Variants in CDH13 observed in about 807,000 individuals in gnomAD.
CDH13 encodes the protein cadherin-13.
CDH13 carries 24 observed loss-of-function variants against 63.8 expected under a neutral mutation model. The ratio of observed to expected loss-of-function variants is 0.38; its 90% CI spans 0.27 to 0.53. The LOEUF (loss-of-function observed/expected upper bound fraction) is 0.53. Ranked by LOEUF, CDH13 falls within the 20% of genes least tolerant of loss-of-function variation. CDH13 has a pLI of 0.85. For synonymous variants in CDH13, 503 were observed against 355.3 expected (o/e 1.42, Z -4.67); for missense variants, 1,049 against 903.1 (o/e 1.16, Z -2.07).
intron 1 of CDH13, among the ~76,000 whole-genome samples, chr16:82,647,028 C>T (rs1026016886): frequency 1.9e-4 from 29 of 152,120 alleles, no homozygotes; most frequent in African/African-American, 5.6e-4. Flanking sequence ...TAGTGCAGTG[C>T]CTCGCAGTAC....
In CDH13 at chr16:82,672,435, C is replaced by A. The variant is rs571407409; in HGVS notation, c.45+45298C>A. 3.9e-5 allele frequency among the ~76,000 whole-genome samples: 6 copies of A among 152,088 alleles called. No homozygotes were observed. The South Asian group carries it at 6.2e-4, about 16-fold the overall frequency. The stretch of plus-strand genomic sequence containing the variant: ...GGTACATCTATCTAGGCCGTGATGA[C>A]CCCTCTACTGGCAGCTTTAGTCCCT... On this transcript the variant is annotated intron_variant, in intron 1 of 13. Coordinates refer to ENST00000567109, the MANE Select transcript of CDH13 (RefSeq NM_001257.5).
intron 5 of CDH13, among the ~76,000 whole-genome samples, chr16:83,270,119 A>G (rs112279655): frequency 0.015 from 2,305 of 152,358 alleles, 57 homozygotes; most frequent in African/African-American, 0.052. Flanking sequence ...ACAATATACC[A>G]GCAAGAGATA....
At chr16:83,604,050 ACC>A (rs1160235025) in intron 8 of CDH13, among the ~76,000 whole-genome samples, 365 of 151,864 alleles carry the variant, frequency 2.4e-3, no homozygotes, top group African/African-American at 8.4e-3. Context: ...TGATCCAGTC[ACC>A]TCCCACCAGG....
chr16:83,790,193 T>C (rs1342474416), intron 13 of CDH13: 2 of 152,220 alleles, frequency 1.3e-5, no homozygotes, highest in African/African-American at 4.8e-5. Flanking sequence ...GCATTCACCA[T>C]TGACTGCCTC....
At chr16:83,270,886 CCCTCCCTT>C (rs2088783664) in intron 5 of CDH13, among the ~76,000 whole-genome samples, 1 of 144,474 alleles carries the variant, frequency 6.9e-6, no homozygotes, top group African/African-American at 2.5e-5. Context: ...TTCCCTCCCT[CCCTCCCTT>C]CCTCCCTCCT....
intron 10 of CDH13, among the ~76,000 whole-genome samples, chr16:83,736,662 G>A (rs1411944534): frequency 6.6e-6 from 1 of 152,154 alleles, no homozygotes; most frequent in Non-Finnish European, 1.5e-5. Flanking sequence ...GGAGGGCAGT[G>A]GCAGTGAGCG....
At chr16:83,696,277 G>T (rs1202761970) in intron 10 of CDH13, among the ~76,000 whole-genome samples, 8 of 152,228 alleles carry the variant, frequency 5.3e-5, no homozygotes, top group Non-Finnish European at 1.2e-4. Context: ...GCTCAGTAGA[G>T]TGTGCAGGTT....
chr16:83,439,697 T>C (rs778540095), intron 6 of CDH13, among the ~76,000 whole-genome samples: 1 of 152,236 alleles, frequency 6.6e-6, no homozygotes, highest in Admixed American at 6.5e-5. Context: ...ATGGTCTGAT[T>C]GACTGTGGTC....
intron 1 of CDH13, among the ~76,000 whole-genome samples, chr16:82,678,714 T>C (rs1017433764): frequency 6.6e-6 from 1 of 152,204 alleles, no homozygotes; most frequent in African/African-American, 2.4e-5. Flanking sequence ...GTACACAGTT[T>C]AAGGAGACAG....
At chr16:83,175,053 A>G (rs996992623) in intron 4 of CDH13, among the ~76,000 whole-genome samples, 2 of 152,092 alleles carry the variant, frequency 1.3e-5, no homozygotes, top group African/African-American at 4.8e-5. Flanking sequence ...CATGCTAGCC[A>G]CATTTCAAAT....
chr16:83,328,667 G>A (rs12447498), intron 5 of CDH13, among the ~76,000 whole-genome samples: 1,717 of 152,256 alleles, frequency 0.011, 124 homozygotes, highest in Admixed American at 0.097. Flanking sequence ...TCAGGTTGTA[G>A]TTTGAAGATA....
chr16:83,163,459 T>C (rs1225698883), intron 4 of CDH13, among the ~76,000 whole-genome samples: 1 of 152,124 alleles, frequency 6.6e-6, no homozygotes, highest in African/African-American at 2.4e-5. Context: ...CCTCTTGTAG[T>C]GCTCCAGGCC....
chr16:83,302,527 A>G (rs965456645), intron 5 of CDH13, among the ~76,000 whole-genome samples: 13 of 152,248 alleles, frequency 8.5e-5, no homozygotes, highest in African/African-American at 3.1e-4. Flanking sequence ...AAGTCACAAC[A>G]TAAATGTCCT....
intron 5 of CDH13, among the ~76,000 whole-genome samples, chr16:83,322,452 T>C (rs1416348714): frequency 6.6e-6 from 1 of 152,242 alleles, no homozygotes; most frequent in African/African-American, 2.4e-5. Context: ...CATTTGTTCA[T>C]TGATTCATTT....
intron 2 of CDH13, among the ~76,000 whole-genome samples, chr16:82,873,717 C>T (rs1370906066): frequency 1.3e-5 from 2 of 152,122 alleles, no homozygotes; most frequent in East Asian, 3.8e-4. Flanking sequence ...TTGGTTTTAT[C>T]CTTTAAAAGA....
intron 1 of CDH13, among the ~76,000 whole-genome samples, chr16:82,804,632 G>C (rs527530787): frequency 6.6e-6 from 1 of 152,224 alleles, no homozygotes; most frequent in Non-Finnish European, 1.5e-5. Context: ...TCAGTTTGTG[G>C]ATTAGGAGAC....
intron 6 of CDH13, chr16:83,396,862 A>C (rs2091894482): frequency 6.6e-6 from 1 of 152,160 alleles, no homozygotes; most frequent in Admixed American, 6.5e-5. Flanking sequence ...AGCATTTTTC[A>C]TGGTTTCACA....
intron 6 of CDH13, among the ~76,000 whole-genome samples, chr16:83,474,075 A>C (rs1347336127): frequency 6.6e-6 from 1 of 152,076 alleles, no homozygotes; most frequent in Non-Finnish European, 1.5e-5. Context: ...GTGATGATGG[A>C]GTGGTTATTT....
chr16:83,320,095 A>G (rs1190413059), intron 5 of CDH13, among the ~76,000 whole-genome samples: 2 of 152,206 alleles, frequency 1.3e-5, no homozygotes, highest in African/African-American at 4.8e-5. Flanking sequence ...GCTGGAGTGC[A>G]GTGTCATGAT....
Sources: allele counts gnomAD v4.1 joint callset (sites outside exome capture counted in the v4.1 genomes callset), GRCh38; gene constraint gnomAD v4.1.1; transcripts MANE v1.5; gene names NCBI Gene and HGNC (gene_info 2026-07-23, HGNC 2026-07-21).